CTSS: variants seen among roughly 807,000 people sequenced by gnomAD.
CTSS encodes the protein cathepsin S.
In CTSS, 15 loss-of-function variants were observed where a neutral mutation model predicts 39.9. The observed-to-expected ratio is 0.38, with a 90% CI of 0.25 to 0.58. The LOEUF (loss-of-function observed/expected upper bound fraction) is 0.58, where lower values mean the gene tolerates loss of function less well. Ranked by LOEUF, CTSS falls within the 20% of genes least tolerant of loss-of-function variation. CTSS has a pLI of 0.70. For missense variants in CTSS, 250 were observed against 398.2 expected (o/e 0.63, Z 3.17); for synonymous variants, 126 against 138.2 (o/e 0.91, Z 0.62).
At chr1:150,752,506 C>T (rs587670470) in intron 4 of CTSS, among the ~76,000 whole-genome samples, 27 of 152,208 alleles carry the variant, frequency 1.8e-4, no homozygotes, top group African/African-American at 6.3e-4. Flanking sequence ...TACAAGGAGG[C>T]ATAAACAAAC....
chr1:150,754,136 C>T (rs587629614), intron 4 of CTSS, among the ~76,000 whole-genome samples: 2 of 130,572 alleles, frequency 1.5e-5, no homozygotes, highest in African/African-American at 2.9e-5. Flanking sequence ...TTTTTTAAGA[C>T]AGGGTCTCAC....
intron 5 of CTSS, 127 bp downstream of exon 5, chr1:150,751,654 T>A: frequency 2.7e-6 from 2 of 736,870 alleles, no homozygotes; most frequent in Non-Finnish European, 4.6e-6. Flanking sequence ...TAAGAATTCC[T>A]CTTCAGGGTT....
intron 7 of CTSS, among the ~76,000 whole-genome samples, chr1:150,745,736 C>T (rs933349751): frequency 2.0e-5 from 3 of 151,838 alleles, no homozygotes; most frequent in African/African-American, 7.3e-5. Flanking sequence ...AAAATGAAGG[C>T]AGAGGTCAGG....
chr1:150,736,554 T>G (rs1360730343), intron 7 of CTSS, among the ~76,000 whole-genome samples: 1 of 152,184 alleles, frequency 6.6e-6, no homozygotes, highest in Non-Finnish European at 1.5e-5. Context: ...TGAACTGAAT[T>G]TGGACCTGAG....
intron 4 of CTSS, among the ~76,000 whole-genome samples, chr1:150,752,555 A>C (rs1364549611): frequency 6.6e-6 from 1 of 152,232 alleles, no homozygotes; most frequent in Admixed American, 6.5e-5. Flanking sequence ...AAAGGGGCAG[A>C]GTGTCCAGAG....
chr1:150,733,485 C>T (rs1031876128), intron 7 of CTSS, among the ~76,000 whole-genome samples: 4 of 152,136 alleles, frequency 2.6e-5, no homozygotes, highest in African/African-American at 4.8e-5. Flanking sequence ...TTTTTGATAA[C>T]AGTATCATGT....
At chr1:150,744,987 T>C (rs1480735134) in intron 7 of CTSS, among the ~76,000 whole-genome samples, 2 of 151,880 alleles carry the variant, frequency 1.3e-5, no homozygotes, top group Non-Finnish European at 2.9e-5. Flanking sequence ...ATGAGGGAAA[T>C]AGTTTCATTT....
In CTSS at chr1:150,764,654, T is replaced by C. The variant is rs763627430; in HGVS notation, c.110A>G (p.Lys37Arg). 19 of 1,614,048 alleles carry C rather than the reference T, an allele frequency of 1.2e-5. No individual in the cohort carries two copies. The South Asian group carries it at 1.9e-4, about 16-fold the overall frequency. The change falls in exon 2 of 8, where the codon AAA becomes AGA. Residue 37 changes from lysine to arginine, a missense_variant. By Grantham distance (26) the Lys-to-Arg change is conservative (BLOSUM62 2). Coordinates refer to ENST00000368985, the MANE Select transcript of CTSS (RefSeq NM_004079.5). ...CCAATCTACCTTTTCCTTGTATTGT[T>C]TGCCATAGGTTTTCTTCCAGAGATG... is the stretch of plus-strand genomic sequence containing the variant. ...HWHLWKKTYG[K>R]QYKEKNEEAV... is the part of the protein sequence containing the mutation.
chr1:150,741,834 C>T (rs1652766944), intron 7 of CTSS, among the ~76,000 whole-genome samples: 1 of 151,008 alleles, frequency 6.6e-6, no homozygotes, highest in Non-Finnish European at 1.5e-5. Flanking sequence ...GAGATTGTGC[C>T]ACTGCACTCC....
At position 150,755,278 on chromosome 1, in the gene CTSS, G is replaced by T. The variant is rs587626024; in HGVS notation, c.250-128C>A. Reference sequence around the variant, plus strand: ...ACTTACACAAACCTAGAGCGTATTGGCTCCTACATACCTAGGCTGTATGGT... The same window carrying T: ...ACTTACACAAACCTAGAGCGTATTGTCTCCTACATACCTAGGCTGTATGGT... On this transcript the variant is annotated intron_variant, in intron 3 of 7. Coordinates refer to ENST00000368985, the MANE Select transcript of CTSS (RefSeq NM_004079.5). 5.0e-6 allele frequency: 5 copies of T among 1,003,638 alleles called. No homozygotes were observed. In the Admixed American group the frequency reaches 8.2e-5, roughly 16 times the overall value. 62.2% of individuals were successfully genotyped at this position (1,003,638 alleles called of 1,614,324 possible).
intron 3 of CTSS, among the ~76,000 whole-genome samples, chr1:150,756,556 TACA>T (rs1449214281): frequency 2.0e-5 from 3 of 152,138 alleles, no homozygotes; most frequent in Non-Finnish European, 4.4e-5. Context: ...TTATGGTGGC[TACA>T]ACATCACTAG....
intron 7 of CTSS, among the ~76,000 whole-genome samples, chr1:150,738,493 T>A (rs1296047929): frequency 6.6e-6 from 1 of 151,090 alleles, no homozygotes; most frequent in Admixed American, 6.6e-5. Flanking sequence ...ATCAGTGATT[T>A]TTTTTTTTTT....
intron 2 of CTSS, among the ~76,000 whole-genome samples, chr1:150,758,185 G>A (rs762378193): frequency 1.5e-4 from 23 of 151,940 alleles, no homozygotes; most frequent in Non-Finnish European, 3.1e-4. Flanking sequence ...GAGTATCTGG[G>A]ATTACAGGCA....
chr1:150,732,645 G>A lies in CTSS; in HGVS notation c.*401C>T, dbSNP rs1464745377. ...TTTTTTGAAACAGAGTCTCCACTCT[G>A]TCATCCAGGCTGGAGTACAGTGGTG... On this transcript the variant is annotated 3_prime_UTR_variant, in exon 8 of 8. Coordinates refer to ENST00000368985, the MANE Select transcript of CTSS (RefSeq NM_004079.5). 2 of 153,290 alleles carry A rather than the reference G, an allele frequency of 1.3e-5. No individual in the cohort carries two copies. The highest frequency in any genetic ancestry group is 4.8e-5 in the African/African-American group (2 of 41,476). 9.5% of individuals were successfully genotyped at this position (153,290 alleles called of 1,614,324 possible).
intron 2 of CTSS, among the ~76,000 whole-genome samples, chr1:150,762,223 A>G (rs1287212150): frequency 2.0e-5 from 3 of 152,190 alleles, no homozygotes; most frequent in Non-Finnish European, 4.4e-5. Context: ...TGGCTATCCA[A>G]ATGCAGAAAA....
chr1:150,757,914 C>T lies in CTSS; in HGVS notation c.193G>A (p.Glu65Lys). The change falls in exon 3 of 8, where the codon GAG (glutamate) becomes AAG (lysine). Residue 65 changes from glutamate (E) to lysine (K), a missense_variant. Glu to Lys is a moderately conservative substitution (Grantham distance 56). Coordinates refer to ENST00000368985, the MANE Select transcript of CTSS (RefSeq NM_004079.5). Reference protein sequence around the residue: ...NLKFVMLHNLEHSMGMHSYDL... With the variant: ...NLKFVMLHNLKHSMGMHSYDL... Reference sequence around the variant, plus strand: ...TATGAGTGCATTCCCATTGAATGCTCCAGGTTGTGAAGCATCACAAACTTT... The same window carrying T: ...TATGAGTGCATTCCCATTGAATGCTTCAGGTTGTGAAGCATCACAAACTTT... 6.2e-7 allele frequency: 1 copy of T among 1,613,490 alleles called. No homozygotes were observed. Among genetic ancestry groups the T allele is most frequent in the Non-Finnish European group, 8.5e-7 (1 of 1,179,554 alleles).
intron 7 of CTSS, among the ~76,000 whole-genome samples, chr1:150,741,900 A>G (rs1652774856): frequency 6.6e-6 from 1 of 151,568 alleles, no homozygotes; most frequent in African/African-American, 2.4e-5. Context: ...GGGGAAGAAT[A>G]TGAACATTTA....
intron 7 of CTSS, among the ~76,000 whole-genome samples, chr1:150,741,884 A>AG (rs34826479): frequency 0.026 from 3,876 of 147,814 alleles, 154 homozygotes; most frequent in Admixed American, 0.094. Context: ...CAAAAAAAAA[A>AG]GGGGGGGGGA....
chr1:150,752,317 C>A (rs1184751524), intron 4 of CTSS, among the ~76,000 whole-genome samples: 2 of 152,150 alleles, frequency 1.3e-5, no homozygotes, highest in Non-Finnish European at 2.9e-5. Context: ...TATTTTCACC[C>A]ATAAGTAAGG....
Sources: allele counts gnomAD v4.1 joint callset (sites outside exome capture counted in the v4.1 genomes callset), GRCh38; gene constraint gnomAD v4.1.1; transcripts MANE v1.5; gene names NCBI Gene and HGNC (gene_info 2026-07-23, HGNC 2026-07-21).